Variants in BAZ2A observed in about 807,000 individuals in gnomAD.
The protein encoded by BAZ2A is bromodomain adjacent to zinc finger domain 2A, also known as bromodomain adjacent to zinc finger domain protein 2A.
BAZ2A carries 34 observed loss-of-function variants against 199.9 expected under a neutral mutation model. The observed-to-expected ratio is 0.17, with a 90% CI of 0.13 to 0.23. The LOEUF (loss-of-function observed/expected upper bound fraction) is 0.23, where lower values mean the gene tolerates loss of function less well. Among genes scored for constraint, BAZ2A ranks in the 10% least tolerant of loss-of-function variants. BAZ2A has a pLI of 1.00. For synonymous variants in BAZ2A, 857 were observed against 883.9 expected, an observed-to-expected ratio of 0.97 and a Z score of 0.54; for missense variants, 2,002 against 2,391.1, an observed-to-expected ratio of 0.84 and a Z score of 3.39.
At chr12:56,619,253 G>A (rs1286074439) in intron 1 of BAZ2A, among the ~76,000 whole-genome samples, 1 of 151,882 alleles carries the variant, frequency 6.6e-6, no homozygotes, top group South Asian at 2.1e-4. Flanking sequence ...GCTGAGGCAG[G>A]AGAATTGCTT....
chr12:56,614,183 T>C (rs563353665), intron 3 of BAZ2A, 45 bp from the exon 4 acceptor site: 4 of 1,579,018 alleles, frequency 2.5e-6, no homozygotes, highest in South Asian at 2.2e-5. Context: ...CAGTGCCTTA[T>C]ATTGGTTCAC....
At chr12:56,603,972 T>C (rs1168342428) in intron 16 of BAZ2A, among the ~76,000 whole-genome samples, 3 of 151,792 alleles carry the variant, frequency 2.0e-5, no homozygotes, top group African/African-American at 7.3e-5. Context: ...AAGATTGCGC[T>C]ATCGCATTCC....
rs2137425571 is a variant in BAZ2A, at chr12:56,630,325, G to C, written c.-203C>G. ...AGCCAACATGGCCGGCGGGGGAGGAGTGAGTCGGAGCCGGAGGGGGCGGAG... is the reference window on the plus strand; with the variant it reads ...AGCCAACATGGCCGGCGGGGGAGGACTGAGTCGGAGCCGGAGGGGGCGGAG... On this transcript the variant is annotated 5_prime_UTR_variant, in exon 1 of 29. Transcript: ENST00000549884. 1 of 980,054 alleles carries C rather than the reference G, an allele frequency of 1.0e-6. No homozygotes were observed. The highest frequency in any genetic ancestry group is 1.2e-6 in the Non-Finnish European group (1 of 825,068). The allele number at this position is 980,054 out of a possible 1,614,324, so 60.7% of individuals were successfully genotyped here. A position where few individuals can be genotyped will look rare whatever the true frequency, so the allele number is the denominator to read the frequency against.
rs1432476277 is a variant in BAZ2A, at chr12:56,603,527, T to C, written c.3212A>G (p.Asp1071Gly). Residue 1071 changes from aspartate (D) to glycine (G), a missense_variant, in exon 17 of 29, where the codon GAT (aspartate) becomes GGT (glycine). By Grantham distance (94) the Asp-to-Gly change is moderately conservative (BLOSUM62 -1). This residue lies in a region of BAZ2A where 1,081 missense variants were observed against 1,274.7 expected (regional missense o/e 0.85). Transcript: ENST00000549884. ...AAVPGRRGRR[D>G]GEVDATASSI... ...TTGATCTTGGGCCAGTACCTCTCCA[T>C]CTCTTCGACCCCTGCGGCCAGGGAC... is the stretch of plus-strand genomic sequence containing the variant. The C allele has an allele frequency of 1.2e-6, 2 of 1,614,010 alleles. No homozygotes were observed.
intron 10 of BAZ2A, among the ~76,000 whole-genome samples, chr12:56,607,364 A>G (rs530150775): frequency 9.2e-5 from 14 of 152,330 alleles, no homozygotes; most frequent in African/African-American, 3.4e-4. Context: ...TTCTGACATG[A>G]CTATATATAC....
At chr12:56,631,729 GA>G (rs374386806), upstream of BAZ2A, among the ~76,000 whole-genome samples, 187 of 152,336 alleles carry the variant, frequency 1.2e-3, 4 homozygotes, top group African/African-American at 4.4e-3. Flanking sequence ...TGGGGATGAT[GA>G]AACTCTGGCA....
chr12:56,612,937 A>T, intron 5 of BAZ2A, 78 bp downstream of exon 5: 1 of 1,455,796 alleles, frequency 6.9e-7, no homozygotes. Flanking sequence ...TCCCACTCTT[A>T]AGGCCCTAAC....
At chr12:56,615,692 T>C (rs1950694108) in intron 2 of BAZ2A, 85 bp from the exon 3 acceptor site, 2 of 1,070,008 alleles carry the variant, frequency 1.9e-6, no homozygotes, top group Admixed American at 5.6e-5. Flanking sequence ...TAGCACTGAC[T>C]AGAAAAAGAC....
chr12:56,630,200 G>C lies in BAZ2A; in HGVS notation c.-78C>G. On this transcript the variant is annotated 5_prime_UTR_variant, in exon 1 of 29. Coordinates refer to ENST00000549884, the MANE Select transcript of BAZ2A (RefSeq NM_001300905.2). ...CAAGCGGTTCACATGGCCGCGCTCC[G>C]GGCGCCAGAACGGGTGGAGACGCCC... The C allele has an allele frequency of 8.1e-6, 8 of 985,594 alleles. No homozygotes were observed. Among genetic ancestry groups the C allele is most frequent in the Non-Finnish European group, 9.6e-6 (8 of 830,032 alleles). The allele number at this position is 985,594 out of a possible 1,614,324, so 61.1% of individuals were successfully genotyped here.
rs770087996 is a variant in BAZ2A, at chr12:56,615,419, G to A, written c.325C>T (p.Pro109Ser). The A allele has an allele frequency of 1.9e-6, 3 of 1,613,476 alleles. No individual in the cohort carries two copies. The highest frequency in any genetic ancestry group is 2.5e-6 in the Non-Finnish European group (3 of 1,179,856). ...CCCCCCGAGAACTGGGAGAGAAGGG[G>A]TGGGTCCTTGAGGTTGCTGCCAGGA... is the stretch of plus-strand genomic sequence containing the variant. ...ANPGSNLKDPPLLSQFSGGQY... is the reference protein window; with the variant it reads ...ANPGSNLKDPSLLSQFSGGQY... Residue 109 changes from proline to serine, a missense_variant, in exon 3 of 29, where the codon CCC becomes TCC. Around this residue, in one of 6 missense-constraint regions of BAZ2A, gnomAD observed 641 missense variants for 694.5 expected, o/e 0.92. Coordinates refer to ENST00000549884, the MANE Select transcript of BAZ2A (RefSeq NM_001300905.2).
chr12:56,635,292 C>T (rs1188567965), upstream of BAZ2A, among the ~76,000 whole-genome samples: 8 of 151,988 alleles, frequency 5.3e-5, no homozygotes, highest in African/African-American at 1.9e-4. This position sits in a 1 kb window ranked among gnomAD's most constrained non-coding sequence, Gnocchi z 4.1. Context: ...GCTCTGCCCG[C>T]GCTCCCAGGG....
chr12:56,599,843 A>G lies in BAZ2A; in HGVS notation c.5031T>C (p.Cys1677=). 1 of 1,613,980 alleles carries G rather than the reference A, an allele frequency of 6.2e-7. No individual in the cohort carries two copies. The highest frequency in any genetic ancestry group is 8.5e-7 in the Non-Finnish European group (1 of 1,179,884). The change falls in exon 26 of 29, where the codon TGT becomes TGC. Residue 1677 remains cysteine, a synonymous_variant. Coordinates refer to ENST00000549884, the MANE Select transcript of BAZ2A (RefSeq NM_001300905.2). The part of the protein sequence containing the change: ...AWEKSVNKVT[C]LVCRKGDNDE... ...CATTGTCACCCTTCCGGCAGACTAG[A>G]CATGTCTGGACCAAGGTTGTGAGGA...
At chr12:56,613,773 C>T (rs1169421210) in intron 4 of BAZ2A, among the ~76,000 whole-genome samples, 180 bp downstream of exon 4, 1 of 152,206 alleles carries the variant, frequency 6.6e-6, no homozygotes, top group Admixed American at 6.5e-5. Context: ...TGAACCAATT[C>T]AGCTCAGAAT....
In BAZ2A at chr12:56,604,815, C is replaced by T; in HGVS notation, c.2749-16G>A. 5 of 1,609,678 alleles carry T rather than the reference C, an allele frequency of 3.1e-6. No individual in the cohort carries two copies. Among genetic ancestry groups the T allele is most frequent in the Non-Finnish European group, 4.2e-6 (5 of 1,177,738 alleles). On this transcript the variant is annotated splice_polypyrimidine_tract_variant and intron_variant, in intron 14 of 28. Transcript: ENST00000549884. ...TCTTTAGGGACTGTGTGGAGGACAG[C>T]ATAATGGGGGTGAGTAGGGAAAGAT... is the stretch of plus-strand genomic sequence containing the variant.
At chr12:56,621,132 G>C (rs1301324399) in intron 1 of BAZ2A, 17 of 985,160 alleles carry the variant, frequency 1.7e-5, no homozygotes, top group Non-Finnish European at 1.9e-5. Context: ...CTGGTGTGGA[G>C]GATACATGCA....
At chr12:56,604,536 C>T (rs150740430) in intron 15 of BAZ2A, 49 bp downstream of exon 15, 2 of 1,517,260 alleles carry the variant, frequency 1.3e-6, no homozygotes. Context: ...TCCTCCACCC[C>T]ATTCTGATGC....
chr12:56,601,865 G>A lies in BAZ2A; in HGVS notation c.3752C>T (p.Ser1251Phe). 6.2e-7 allele frequency: 1 copy of A among 1,613,928 alleles called. No homozygotes were observed. The highest frequency in any genetic ancestry group is 1.1e-5 in the South Asian group (1 of 91,072). The change falls in exon 20 of 29, where the codon TCC becomes TTC. Residue 1251 changes from serine to phenylalanine, a missense_variant. This residue lies in a region of BAZ2A where 1,081 missense variants were observed against 1,274.7 expected (regional missense o/e 0.85). Coordinates refer to ENST00000549884, the MANE Select transcript of BAZ2A (RefSeq NM_001300905.2). ...CTGGCTCTGACCCAGTGACAAAGGG[G>A]AGCCTTCTTGCTCCAGGAACCCCTT... Reference protein sequence around the residue: ...SHKGFLEQEGSPLSLGQSQHD... With the variant: ...SHKGFLEQEGFPLSLGQSQHD...
chr12:56,606,096 T>C (rs1457748159), intron 12 of BAZ2A, 33 bp from the exon 13 acceptor site: 2 of 1,551,188 alleles, frequency 1.3e-6, no homozygotes, highest in East Asian at 2.4e-5. Context: ...AAGACTGCCA[T>C]AAAGATATCA....
rs78884607 is a variant in BAZ2A, at chr12:56,597,692, G to A, written c.*926C>T. The stretch of plus-strand genomic sequence containing the variant: ...CACACACAGCGCTCTCTCTGAGGCC[G>A]GCCCCATTGCTACCTGGCCTCCATC... On this transcript the variant is annotated 3_prime_UTR_variant, in exon 29 of 29. Transcript: ENST00000549884. The A allele has an allele frequency of 0.1, 14,660 of 143,086 alleles. 870 individuals are homozygous for A. The highest frequency in any genetic ancestry group is 0.18 in the African/African-American group (6,081 of 33,950). The allele number at this position is 143,086 out of a possible 1,614,324, so 8.9% of individuals were successfully genotyped here. A position where few individuals can be genotyped will look rare whatever the true frequency, so the allele number is the denominator to read the frequency against.
Sources: allele counts gnomAD v4.1 joint callset (sites outside exome capture counted in the v4.1 genomes callset), GRCh38; gene constraint gnomAD v4.1.1; regional missense constraint gnomAD v4.1.1; non-coding constraint Gnocchi (gnomAD v3.1); transcripts MANE v1.5; gene names NCBI Gene and HGNC (gene_info 2026-07-23, HGNC 2026-07-21).